The following MTOR variants were observed in gnomAD, a reference collection of about 807,000 sequenced individuals.
MTOR encodes the protein serine/threonine-protein kinase mTOR.
A neutral mutation model predicts 319.8 loss-of-function variants in MTOR; 70 were observed. The observed-to-expected ratio is 0.22, with a 90% CI of 0.18 to 0.27. The LOEUF is 0.27. Ranked by LOEUF, MTOR falls within the 10% of genes least tolerant of loss-of-function variation. The pLI, the probability that MTOR is intolerant of heterozygous loss-of-function variation, is 1.00. For synonymous variants in MTOR, 1,183 were observed against 1,211.4 expected (o/e 0.98, Z 0.49); for missense variants, 1,890 against 3,274.4 (o/e 0.58, Z 10.32).
chr1:11,146,807 T>A lies in MTOR; in HGVS notation c.4571-16A>T. The A allele has an allele frequency of 1.3e-6, 2 of 1,583,148 alleles. No individual in the cohort carries two copies. Among genetic ancestry groups the A allele is most frequent in the South Asian group, 2.2e-5 (2 of 90,432 alleles). ...TCCCACTGACCTATACACACACACA[T>A]AGACAGAAAGCATCAAGGGGGTTGG... On this transcript the variant is annotated splice_polypyrimidine_tract_variant and intron_variant, in intron 31 of 57. Coordinates refer to ENST00000361445, the MANE Select transcript of MTOR (RefSeq NM_004958.4).
Position 11,229,529 on chromosome 1 carries a change from C to T in MTOR, c.2780-611G>A, listed in dbSNP as rs148281742. On this transcript the variant is annotated intron_variant, in intron 18 of 57. Coordinates refer to ENST00000361445, the MANE Select transcript of MTOR (RefSeq NM_004958.4). Reference sequence around the variant, plus strand: ...GAAGAACACCAGGAGCAGCATGGCTCAGGCCCTGCTCTCAACAGCTATGGG... The same window carrying T: ...GAAGAACACCAGGAGCAGCATGGCTTAGGCCCTGCTCTCAACAGCTATGGG... 6.0e-3 allele frequency among the ~76,000 whole-genome samples: 921 copies of T among 152,332 alleles called. 11 individuals carry two copies. The highest frequency in any genetic ancestry group is 0.021 in the African/African-American group (867 of 41,570).
chr1:11,240,668 A>G, intron 10 of MTOR, 121 bp from the exon 11 acceptor site: 1 of 1,235,658 alleles, frequency 8.1e-7, no homozygotes, highest in Non-Finnish European at 1.1e-6. Flanking sequence ...AGTAGAAAGG[A>G]TATTATAAAA....
At chr1:11,149,990 A>G in intron 31 of MTOR, 136 bp downstream of exon 31, 2 of 593,482 alleles carry the variant, frequency 3.4e-6, no homozygotes, top group Non-Finnish European at 5.8e-6. Context: ...AAGGTGTAGA[A>G]GTAGGTGGAT....
At chr1:11,108,337 A>G in intron 56 of MTOR, 51 bp from the exon 57 acceptor site, 1 of 1,407,606 alleles carries the variant, frequency 7.1e-7, no homozygotes, top group Non-Finnish European at 1.0e-6. Context: ...CAATCGATGC[A>G]CTTCTTGTTC....
intron 6 of MTOR, among the ~76,000 whole-genome samples, chr1:11,249,927 C>T (rs1649387909): frequency 6.6e-6 from 1 of 150,924 alleles, no homozygotes; most frequent in East Asian, 2.0e-4. Context: ...CTCAATGAGC[C>T]ACTGGGCACA....
Position 11,157,314 on chromosome 1 carries a change from T to G in MTOR, c.4330-23A>C, listed in dbSNP as rs201248511. ...CTCCTGTTACATGGGAAAGAAAGAC[T>G]GCTGTGAGGTACACAGAAGAAGGGA... On this transcript the variant is annotated intron_variant, in intron 29 of 57. Coordinates refer to ENST00000361445, the MANE Select transcript of MTOR (RefSeq NM_004958.4). 4.2e-5 allele frequency: 67 copies of G among 1,609,184 alleles called. No homozygotes were observed. In the African/African-American group the frequency reaches 7.8e-4, roughly 19 times the overall value.
At chr1:11,230,647 A>G (rs1646985389) in intron 18 of MTOR, among the ~76,000 whole-genome samples, 1 of 152,176 alleles carries the variant, frequency 6.6e-6, no homozygotes, top group South Asian at 2.1e-4. Context: ...TGATGGGGTG[A>G]TAATGTGTAT....
At chr1:11,184,754 A>C (rs1432185955) in intron 28 of MTOR, among the ~76,000 whole-genome samples, 1 of 152,150 alleles carries the variant, frequency 6.6e-6, no homozygotes, top group African/African-American at 2.4e-5. Flanking sequence ...AAAAATAAAA[A>C]AAAATTGTTT....
intron 19 of MTOR, among the ~76,000 whole-genome samples, chr1:11,218,400 A>G (rs1646548500): frequency 6.6e-6 from 1 of 152,044 alleles, no homozygotes; most frequent in Non-Finnish European, 1.5e-5. Context: ...ATTGTACTCC[A>G]ACCTGGGCGA....
intron 28 of MTOR, among the ~76,000 whole-genome samples, chr1:11,171,179 A>G (rs537254939): frequency 7.3e-5 from 11 of 150,012 alleles, no homozygotes; most frequent in African/African-American, 1.7e-4. Flanking sequence ...TGGGCGACAG[A>G]GCTAGACTCT....
chr1:11,183,217 G>A (rs915555515), intron 28 of MTOR, among the ~76,000 whole-genome samples: 4 of 152,158 alleles, frequency 2.6e-5, no homozygotes, highest in Non-Finnish European at 4.4e-5. Context: ...AATGACTAAT[G>A]AGATGGGATA....
At chr1:11,154,908 G>A (rs1470379333) in intron 30 of MTOR, among the ~76,000 whole-genome samples, 2 of 151,598 alleles carry the variant, frequency 1.3e-5, no homozygotes, top group Non-Finnish European at 2.9e-5. Flanking sequence ...CACTTTGGAA[G>A]GCCAAAGAGG....
At chr1:11,171,967 T>C (rs1452125801) in intron 28 of MTOR, among the ~76,000 whole-genome samples, 8 of 151,274 alleles carry the variant, frequency 5.3e-5, no homozygotes, top group South Asian at 2.1e-4. Flanking sequence ...CCTGGGAAGG[T>C]TGCAGTGAGC....
At chr1:11,155,512 A>G (rs969112092) in intron 30 of MTOR, among the ~76,000 whole-genome samples, 1 of 152,180 alleles carries the variant, frequency 6.6e-6, no homozygotes, top group African/African-American at 2.4e-5. Flanking sequence ...AGGAGGTCAT[A>G]AGGCCCTCAT....
At chr1:11,213,668 T>TAC in intron 20 of MTOR, 102 bp from the exon 21 acceptor site, 1 of 1,130,780 alleles carries the variant, frequency 8.8e-7, no homozygotes, top group South Asian at 1.5e-5. Context: ...GTAGTGAGCA[T>TAC]GGTCTGCGCC....
chr1:11,123,306 G>A (rs904050629), intron 47 of MTOR, among the ~76,000 whole-genome samples: 1 of 151,712 alleles, frequency 6.6e-6, no homozygotes, highest in African/African-American at 2.4e-5. Context: ...ACCTAGGCTC[G>A]AGCACAGTTG....
chr1:11,231,472 C>G (rs377384941), intron 16 of MTOR, 38 bp from the exon 17 acceptor site: 1 of 1,608,566 alleles, frequency 6.2e-7, no homozygotes. Context: ...TGAGCCAGTA[C>G]GAGAGAAAAG....
At chr1:11,171,736 C>T (rs564249903) in intron 28 of MTOR, among the ~76,000 whole-genome samples, 2 of 152,144 alleles carry the variant, frequency 1.3e-5, no homozygotes, top group South Asian at 2.1e-4. Context: ...GCCTTAACTC[C>T]TTTAAGAGAG....
At chr1:11,174,740 CTT>C (rs921120670) in intron 28 of MTOR, among the ~76,000 whole-genome samples, 2 of 152,200 alleles carry the variant, frequency 1.3e-5, no homozygotes, top group Non-Finnish European at 2.9e-5. Context: ...GCGAGGAACT[CTT>C]GTTTTACGGG....
Sources: gnomAD v4.1 joint callset for allele counts (sites outside exome capture counted in the v4.1 genomes callset) on GRCh38, gnomAD v4.1.1 for gene constraint, MANE v1.5 for transcripts, NCBI Gene and HGNC (gene_info 2026-07-23, HGNC 2026-07-21) for gene names.